Variants in KSR2 observed in about 807,000 individuals in gnomAD.
The protein encoded by KSR2 is kinase suppressor of ras 2.
A neutral mutation model predicts 107.8 loss-of-function variants in KSR2; 25 were observed. That is an observed-to-expected ratio of 0.23 (90% CI 0.17 to 0.32). The LOEUF (loss-of-function observed/expected upper bound fraction) is 0.32. Ranked by LOEUF, KSR2 falls within the 10% of genes least tolerant of loss-of-function variation. The probability of loss-of-function intolerance (pLI) is 1.00; values close to 1 mark genes in which losing one functional copy is unlikely to be tolerated. For synonymous variants in KSR2, 480 were observed against 507.0 expected, an observed-to-expected ratio of 0.95 and a Z score of 0.71; for missense variants, 887 against 1,268.9, an observed-to-expected ratio of 0.70 and a Z score of 4.57.
rs150200564 is a variant in KSR2, at chr12:117,826,378, G to A, written c.472+29050C>T. Among the ~76,000 whole-genome samples the A allele has an allele frequency of 5.0e-3, 755 of 152,152 alleles. 8 individuals are homozygous for A. Among genetic ancestry groups the A allele is most frequent in the Middle Eastern group, 0.017 (5 of 294 alleles). Reference sequence around the variant, plus strand: ...TCAGCCAGAGCTGTGGCAACGTCCTGTTCCTGGGGGTTGACGTTAGCTGTT... The same window carrying A: ...TCAGCCAGAGCTGTGGCAACGTCCTATTCCTGGGGGTTGACGTTAGCTGTT... On this transcript the variant is annotated intron_variant, in intron 3 of 19. Transcript: ENST00000339824.
At chr12:117,674,764 C>T (rs1385947214) in intron 4 of KSR2, among the ~76,000 whole-genome samples, 1 of 152,214 alleles carries the variant, frequency 6.6e-6, no homozygotes, top group Non-Finnish European at 1.5e-5. Context: ...CAAAGGCAGG[C>T]TTTAAAAAGT....
In KSR2 at chr12:117,497,570, G is replaced by A. The variant is rs188320728; in HGVS notation, c.2220-11879C>T. Among the ~76,000 whole-genome samples, 107 of 152,216 alleles carry A rather than the reference G, an allele frequency of 7.0e-4. 1 individual carries two copies. The highest frequency in any genetic ancestry group is 2.0e-3 in the African/African-American group (84 of 41,524). ...CCAGGCACAGAGGCAAAAGGTTTCC[G>A]GGCAGCACCTCATTACATGCTTCTT... On this transcript the variant is annotated intron_variant, in intron 14 of 19. Coordinates refer to ENST00000339824, the MANE Select transcript of KSR2 (RefSeq NM_173598.6).
chr12:117,820,844 T>TCTA (rs1323321733), intron 3 of KSR2, among the ~76,000 whole-genome samples: 1 of 152,124 alleles, frequency 6.6e-6, no homozygotes, highest in Non-Finnish European at 1.5e-5. Flanking sequence ...GTCCATCTGC[T>TCTA]CTACTCCCTG....
chr12:117,666,436 A>C (rs1404679152), intron 5 of KSR2, among the ~76,000 whole-genome samples: 1 of 152,208 alleles, frequency 6.6e-6, no homozygotes, highest in African/African-American at 2.4e-5. Context: ...TTATCAAATG[A>C]TGTGTGATGT....
chr12:117,477,668 G>C (rs1301541609), intron 16 of KSR2, among the ~76,000 whole-genome samples: 3 of 152,196 alleles, frequency 2.0e-5, no homozygotes, highest in Non-Finnish European at 4.4e-5. Context: ...TAGACAGAAG[G>C]GGAAGTTAGG....
At chr12:117,909,193 A>T (rs901449012) in intron 1 of KSR2, among the ~76,000 whole-genome samples, 1 of 152,210 alleles carries the variant, frequency 6.6e-6, no homozygotes, top group African/African-American at 2.4e-5. Flanking sequence ...CCTACTTTAT[A>T]TATAAGGCTC....
intron 3 of KSR2, among the ~76,000 whole-genome samples, chr12:117,784,097 G>C (rs914132434): frequency 3.3e-5 from 5 of 152,248 alleles, no homozygotes; most frequent in Non-Finnish European, 5.9e-5. Context: ...GTTTGTTACA[G>C]GGGTATATTG....
At chr12:117,813,588 T>C (rs1358685014) in intron 3 of KSR2, among the ~76,000 whole-genome samples, 1 of 152,140 alleles carries the variant, frequency 6.6e-6, no homozygotes, top group East Asian at 1.9e-4. Flanking sequence ...CACAATAAGA[T>C]ATCATCTCAC....
intron 3 of KSR2, among the ~76,000 whole-genome samples, chr12:117,794,190 A>T (rs1465014885): frequency 3.3e-5 from 4 of 121,896 alleles, no homozygotes; most frequent in African/African-American, 1.3e-4. Flanking sequence ...CAACATGCAC[A>T]CACACCATGC....
At chr12:117,881,500 T>TA (rs1401886262) in intron 1 of KSR2, among the ~76,000 whole-genome samples, 5 of 152,230 alleles carry the variant, frequency 3.3e-5, no homozygotes. Context: ...GTCTGTGCTA[T>TA]AAGCCCCGCT....
At chr12:117,475,995 C>T (rs1273369284) in intron 17 of KSR2, among the ~76,000 whole-genome samples, 2 of 152,216 alleles carry the variant, frequency 1.3e-5, no homozygotes, top group African/African-American at 4.8e-5. Context: ...GAGACCGCAG[C>T]CCTAGCCAAT....
chr12:117,484,350 A>C, intron 16 of KSR2, 66 bp downstream of exon 16: 1 of 1,583,866 alleles, frequency 6.3e-7, no homozygotes, highest in Non-Finnish European at 8.6e-7. Context: ...AGCCATTTGG[A>C]CTAACTTCCC....
At chr12:117,474,298 G>A (rs1403093350) in intron 17 of KSR2, among the ~76,000 whole-genome samples, 1 of 151,732 alleles carries the variant, frequency 6.6e-6, no homozygotes, top group Non-Finnish European at 1.5e-5. Context: ...ATTGCAATTT[G>A]GTTTCAGATA....
intron 3 of KSR2, among the ~76,000 whole-genome samples, chr12:117,854,162 A>G (rs548767583): frequency 6.6e-6 from 1 of 152,160 alleles, no homozygotes; most frequent in South Asian, 2.1e-4. Flanking sequence ...GTGCCACCAC[A>G]CATGGCACAT....
intron 4 of KSR2, among the ~76,000 whole-genome samples, chr12:117,749,952 A>G (rs1025665791): frequency 6.6e-5 from 10 of 152,284 alleles, no homozygotes; most frequent in Admixed American, 4.6e-4. Context: ...CTGGGGGATC[A>G]AATAGAACTT....
intron 1 of KSR2, among the ~76,000 whole-genome samples, chr12:117,930,559 C>T (rs1166664150): frequency 6.6e-6 from 1 of 152,126 alleles, no homozygotes; most frequent in Non-Finnish European, 1.5e-5. Flanking sequence ...ATACATAAAG[C>T]TCCACTGAGT....
intron 4 of KSR2, among the ~76,000 whole-genome samples, chr12:117,732,349 T>C (rs543573903): frequency 1.3e-5 from 2 of 151,950 alleles, no homozygotes; most frequent in South Asian, 2.1e-4. Context: ...AGTGCCATGG[T>C]GCCATCTCAG....
intron 9 of KSR2, among the ~76,000 whole-genome samples, chr12:117,553,854 TCTCTCTCC>T (rs1877478434): frequency 1.3e-5 from 2 of 149,140 alleles, no homozygotes; most frequent in Non-Finnish European, 3.0e-5. Flanking sequence ...CTCCTCTCTC[TCTCTCTCC>T]CTCTCTCATG....
intron 1 of KSR2, among the ~76,000 whole-genome samples, chr12:117,956,275 A>T (rs1002893689): frequency 7.0e-6 from 1 of 142,296 alleles, no homozygotes; most frequent in African/African-American, 2.6e-5. Context: ...AAAAAAAAAA[A>T]AAATTATCAA....
Sources: gnomAD v4.1 joint callset for allele counts (sites outside exome capture counted in the v4.1 genomes callset) on GRCh38, gnomAD v4.1.1 for gene constraint, MANE v1.5 for transcripts, NCBI Gene and HGNC (gene_info 2026-07-23, HGNC 2026-07-21) for gene names.